ATP11B: variants seen among roughly 807,000 people sequenced by gnomAD.
ATP11B encodes the protein ATPase phospholipid transporting 11B (putative), also known as phospholipid-transporting ATPase IF.
In ATP11B, 81 loss-of-function variants were observed where a neutral mutation model predicts 157.8. The ratio of observed to expected loss-of-function variants is 0.51; its 90% CI spans 0.43 to 0.62. ATP11B has a LOEUF of 0.62. ATP11B is among the 20% of genes least tolerant of loss of function. The pLI, the probability that ATP11B is intolerant of heterozygous loss-of-function variation, is 0.00. For missense variants in ATP11B, 1,165 were observed against 1,402.2 expected (o/e 0.83, Z 2.70); for synonymous variants, 451 against 469.4 (o/e 0.96, Z 0.51).
intron 1 of ATP11B, among the ~76,000 whole-genome samples, chr3:182,815,077 T>C (rs1233139366): frequency 6.6e-6 from 1 of 152,214 alleles, no homozygotes; most frequent in Non-Finnish European, 1.5e-5. Flanking sequence ...TTTGAGAATT[T>C]TTGAGTTATC....
intron 2 of ATP11B, among the ~76,000 whole-genome samples, chr3:182,827,176 A>G (rs1717781670): frequency 6.6e-6 from 1 of 152,102 alleles, no homozygotes; most frequent in East Asian, 1.9e-4. Context: ...CTATAAATCA[A>G]TTTCCCTGTT....
chr3:182,915,930 CCCTT>C, intron 29 of ATP11B: 1 of 978,630 alleles, frequency 1.0e-6, no homozygotes, highest in South Asian at 4.7e-5. Context: ...ACTATAAATG[CCCTT>C]CCAGGTTTCT....
At chr3:182,899,150 ATTT>A (rs34492261) in intron 28 of ATP11B, among the ~76,000 whole-genome samples, 51 of 128,306 alleles carry the variant, frequency 4.0e-4, no homozygotes, top group Middle Eastern at 4.3e-3. Flanking sequence ...AATTTGAGTA[ATTT>A]TTTTTTTTTT....
At chr3:182,840,536 ATTAAT>A (rs1401973726) in intron 7 of ATP11B, among the ~76,000 whole-genome samples, 1 of 152,214 alleles carries the variant, frequency 6.6e-6, no homozygotes, top group Non-Finnish European at 1.5e-5. Context: ...GAAATCTCAA[ATTAAT>A]AATCAAGCTG....
chr3:182,837,193 T>A lies in ATP11B; in HGVS notation c.656+19T>A, dbSNP rs375483405. 6 of 1,506,824 alleles carry A rather than the reference T, an allele frequency of 4.0e-6. No homozygotes were observed. In the African/African-American group the frequency reaches 5.6e-5, roughly 14 times the overall value. 93.3% of individuals were successfully genotyped at this position (1,506,824 alleles called of 1,614,324 possible). On this transcript the variant is annotated intron_variant, in intron 7 of 29. Coordinates refer to ENST00000323116, the MANE Select transcript of ATP11B (RefSeq NM_014616.3). ...TATACAGGTATGGTGTGATATTCAG[T>A]ATACTTATTTTAAGTCCTATTTACA...
In ATP11B at chr3:182,820,135, T is replaced by C. The variant is rs899720155; in HGVS notation, c.28-125T>C. On this transcript the variant is annotated intron_variant, in intron 1 of 29. Transcript: ENST00000323116. ...AGCTCTTCTAATTAGATGGATTGAG[T>C]CTATATGCATTTTAAGGGCAATAGT... The C allele has an allele frequency of 1.9e-4, 128 of 656,542 alleles. 1 individual carries two copies. Among genetic ancestry groups the C allele is most frequent in the Non-Finnish European group, 1.6e-4 (59 of 369,904 alleles). The allele number at this position is 656,542 out of a possible 1,614,324, so 40.7% of individuals were successfully genotyped here.
At chr3:182,866,842 GTAA>G (rs1257098171) in intron 14 of ATP11B, among the ~76,000 whole-genome samples, 9 of 101,592 alleles carry the variant, frequency 8.9e-5, no homozygotes, top group Admixed American at 5.9e-4. Flanking sequence ...AAATATGTAA[GTAA>G]TAAATAAAAA....
intron 28 of ATP11B, among the ~76,000 whole-genome samples, chr3:182,913,295 A>C (rs997804162): frequency 3.3e-5 from 5 of 152,236 alleles, no homozygotes; most frequent in African/African-American, 4.8e-5. Context: ...GGATCTATGT[A>C]GAGTGCTTAG....
intron 19 of ATP11B, among the ~76,000 whole-genome samples, chr3:182,874,903 C>T (rs1398962063): frequency 6.6e-6 from 1 of 151,868 alleles, no homozygotes; most frequent in African/African-American, 2.4e-5. Flanking sequence ...TCAATTTTGC[C>T]TCTTGGCCCA....
chr3:182,910,056 G>A (rs1217550994), intron 28 of ATP11B, among the ~76,000 whole-genome samples: 1 of 120,420 alleles, frequency 8.3e-6, no homozygotes, highest in African/African-American at 3.3e-5. Context: ...GGGCAACAGA[G>A]TGAGACTCGG....
chr3:182,861,136 G>A (rs1035440205), intron 12 of ATP11B, among the ~76,000 whole-genome samples: 1 of 149,804 alleles, frequency 6.7e-6, no homozygotes, highest in Non-Finnish European at 1.5e-5. Context: ...CGCAATCTTG[G>A]CTCACTGCAA....
At chr3:182,896,223 A>T (rs1257766220) in intron 25 of ATP11B, among the ~76,000 whole-genome samples, 1 of 152,154 alleles carries the variant, frequency 6.6e-6, no homozygotes, top group African/African-American at 2.4e-5. Context: ...ATGATCCATT[A>T]TCCTTCCTTT....
intron 25 of ATP11B, among the ~76,000 whole-genome samples, chr3:182,896,400 C>T (rs1723551947): frequency 6.6e-6 from 1 of 152,204 alleles, no homozygotes; most frequent in Non-Finnish European, 1.5e-5. Context: ...AGCAATAAAG[C>T]AGTCCCTAAT....
At chr3:182,879,760 T>C (rs979395997) in intron 20 of ATP11B, 111 bp downstream of exon 20, 108 of 984,886 alleles carry the variant, frequency 1.1e-4, no homozygotes, top group Admixed American at 1.4e-4. Flanking sequence ...ATATACATTT[T>C]GCTAGGAGTC....
At chr3:182,851,357 AT>A (rs765339188) in intron 10 of ATP11B, among the ~76,000 whole-genome samples, 2 of 151,886 alleles carry the variant, frequency 1.3e-5, no homozygotes, top group African/African-American at 2.4e-5. Context: ...AATTTTGTGT[AT>A]TTTTTTTCTC....
rs569880813 is a variant in ATP11B at position 182,911,245 on chromosome 3, T to C, written c.3319-2616T>C. Among the ~76,000 whole-genome samples, 25 of 91,072 alleles carry C rather than the reference T, an allele frequency of 2.7e-4. No individual in the cohort carries two copies. In the East Asian group the frequency reaches 6.0e-3, roughly 22 times the overall value. The allele number at this position is 91,072 out of a possible 152,430, so 59.7% of individuals were successfully genotyped here. On this transcript the variant is annotated intron_variant, in intron 28 of 29. Coordinates refer to ENST00000323116, the MANE Select transcript of ATP11B (RefSeq NM_014616.3). ...TCCTCCTTCAGCCTGGAATATCTTT[T>C]CCCCCCCATCTCCTGCTATTGAAAT...
intron 1 of ATP11B, among the ~76,000 whole-genome samples, chr3:182,796,826 T>G (rs1395712184): frequency 1.3e-5 from 2 of 152,208 alleles, no homozygotes; most frequent in African/African-American, 4.8e-5. Context: ...TGACCAAATT[T>G]AAGATTGACT....
intron 7 of ATP11B, among the ~76,000 whole-genome samples, chr3:182,840,297 G>A (rs1357087812): frequency 2.0e-5 from 3 of 152,118 alleles, no homozygotes; most frequent in Non-Finnish European, 4.4e-5. Flanking sequence ...CCTTTTGCTA[G>A]TTTTTCCTCT....
In ATP11B at chr3:182,836,212, T is replaced by C. The variant is rs1177429588; in HGVS notation, c.423+70T>C. 8.3e-6 allele frequency: 13 copies of C among 1,564,336 alleles called. No individual in the cohort carries two copies. The East Asian group carries it at 9.0e-5, about 11-fold the overall frequency. ...ACAGGACATAATTCTAATCTTGATA[T>C]TACGTTTTAGTTAAAAGCCTACTTT... On this transcript the variant is annotated intron_variant, in intron 5 of 29. Transcript: ENST00000323116.
Sources: allele counts gnomAD v4.1 joint callset (sites outside exome capture counted in the v4.1 genomes callset), GRCh38; gene constraint gnomAD v4.1.1; transcripts MANE v1.5; gene names NCBI Gene and HGNC (gene_info 2026-07-23, HGNC 2026-07-21).